ARHGAP26: variants seen among roughly 807,000 people sequenced by gnomAD.
ARHGAP26 encodes the protein rho GTPase-activating protein 26.
ARHGAP26 carries 38 observed loss-of-function variants against 104.8 expected under a neutral mutation model. That is an observed-to-expected ratio of 0.36 (90% CI 0.28 to 0.48). ARHGAP26 has a LOEUF of 0.48. ARHGAP26 is among the 20% of genes least tolerant of loss of function. The pLI, the probability that ARHGAP26 is intolerant of heterozygous loss-of-function variation, is 0.99. For synonymous variants in ARHGAP26, 341 were observed against 340.0 expected (o/e 1.00, Z -0.03); for missense variants, 704 against 947.9 (o/e 0.74, Z 3.38).
At chr5:142,814,164 G>C (rs1266447719) in intron 1 of ARHGAP26, among the ~76,000 whole-genome samples, 4 of 152,260 alleles carry the variant, frequency 2.6e-5, no homozygotes, top group Non-Finnish European at 5.9e-5. Context: ...AGTAGGAATA[G>C]TTTGGGGAAG....
At chr5:143,132,964 T>C (rs1384446590) in intron 18 of ARHGAP26, among the ~76,000 whole-genome samples, 1 of 152,160 alleles carries the variant, frequency 6.6e-6, no homozygotes, top group Non-Finnish European at 1.5e-5. Flanking sequence ...CTGAGGACAT[T>C]ACCTGTTGCT....
chr5:142,789,726 C>T (rs1291720033), intron 1 of ARHGAP26, among the ~76,000 whole-genome samples: 4 of 152,194 alleles, frequency 2.6e-5, no homozygotes, highest in Non-Finnish European at 5.9e-5. Flanking sequence ...CACCCATACA[C>T]ACTCCTGCCA....
intron 11 of ARHGAP26, among the ~76,000 whole-genome samples, chr5:142,981,918 A>G (rs1231783013): frequency 6.6e-6 from 1 of 152,166 alleles, no homozygotes; most frequent in Non-Finnish European, 1.5e-5. Context: ...CTCTGTCTGC[A>G]TTTTACTCTG....
intron 11 of ARHGAP26, among the ~76,000 whole-genome samples, chr5:142,945,152 C>T (rs769890306): frequency 6.6e-6 from 1 of 152,152 alleles, no homozygotes; most frequent in Non-Finnish European, 1.5e-5. Flanking sequence ...TAGAAAGTAC[C>T]CCATCCCATC....
chr5:143,171,887 G>A (rs1444307728), intron 20 of ARHGAP26, among the ~76,000 whole-genome samples: 1 of 152,144 alleles, frequency 6.6e-6, no homozygotes, highest in East Asian at 1.9e-4. Context: ...TTAGGTTTGC[G>A]ATTTGGGATT....
At chr5:143,213,148 A>G (rs1809778080) in intron 21 of ARHGAP26, among the ~76,000 whole-genome samples, 1 of 152,196 alleles carries the variant, frequency 6.6e-6, no homozygotes, top group African/African-American at 2.4e-5. Context: ...CCGTCTAAAC[A>G]AACAAACAAA....
Position 142,770,633 on chromosome 5 carries a change from C to A in ARHGAP26, c.-129C>A. 1 of 644,182 alleles carries A rather than the reference C, an allele frequency of 1.6e-6. No homozygotes were observed. Among genetic ancestry groups the A allele is most frequent in the Non-Finnish European group, 2.0e-6 (1 of 507,434 alleles). 39.9% of individuals were successfully genotyped at this position (644,182 alleles called of 1,614,324 possible). On this transcript the variant is annotated 5_prime_UTR_variant, in exon 1 of 23. Transcript: ENST00000645722. Reference sequence around the variant, plus strand: ...GGCGGACACCGCGCGCGGAGTGAGCCAGCGCCACACCTGTGGAGCCGGCGG... The same window carrying A: ...GGCGGACACCGCGCGCGGAGTGAGCAAGCGCCACACCTGTGGAGCCGGCGG...
chr5:143,083,125 G>A lies in ARHGAP26; in HGVS notation c.1538+25378G>A, dbSNP rs112339104. Reference sequence around the variant, plus strand: ...AGCTAGAGCTGGAGACTTTTTCTTCGTCTTCTTCCTTTTTCTTTTTCCCAT... The same window carrying A: ...AGCTAGAGCTGGAGACTTTTTCTTCATCTTCTTCCTTTTTCTTTTTCCCAT... On this transcript the variant is annotated intron_variant, in intron 17 of 22. Coordinates refer to ENST00000645722, the MANE Select transcript of ARHGAP26 (RefSeq NM_001135608.3). Among the ~76,000 whole-genome samples the A allele has an allele frequency of 2.3e-3, 348 of 152,214 alleles. 1 individual carries two copies. Among genetic ancestry groups the A allele is most frequent in the African/African-American group, 7.5e-3 (313 of 41,526 alleles).
chr5:142,990,186 C>T lies in ARHGAP26; in HGVS notation c.1108-23894C>T, dbSNP rs190115980. Among the ~76,000 whole-genome samples, 211 of 152,282 alleles carry T rather than the reference C, an allele frequency of 1.4e-3. 3 individuals are homozygous for T. Among genetic ancestry groups the T allele is most frequent in the Admixed American group, 0.013 (192 of 15,286 alleles). ...TCTTTTTTCTCTAAACTTCTCTTCT[C>T]GCTTCATTTCATTCATTTGATCTTC... is the stretch of plus-strand genomic sequence containing the variant. On this transcript the variant is annotated intron_variant, in intron 11 of 22. Transcript: ENST00000645722.
rs530189613 is a variant in ARHGAP26, at chr5:143,065,249, C to T, written c.1538+7502C>T. ...TTGGGAGCGTGTTCTTCATGAAATGCCTCTCTTTTTGGCTGAGTGGTGGTG... is the reference window on the plus strand; with the variant it reads ...TTGGGAGCGTGTTCTTCATGAAATGTCTCTCTTTTTGGCTGAGTGGTGGTG... On this transcript the variant is annotated intron_variant, in intron 17 of 22. Coordinates refer to ENST00000645722, the MANE Select transcript of ARHGAP26 (RefSeq NM_001135608.3). Among the ~76,000 whole-genome samples the T allele has an allele frequency of 1.2e-3, 184 of 152,096 alleles. 1 individual carries two copies. Among genetic ancestry groups the T allele is most frequent in the Non-Finnish European group, 2.1e-3 (141 of 68,018 alleles).
chr5:142,823,979 T>C (rs1317023125), intron 1 of ARHGAP26, among the ~76,000 whole-genome samples: 2 of 152,182 alleles, frequency 1.3e-5, no homozygotes, highest in African/African-American at 4.8e-5. Context: ...AACAAAGCAA[T>C]GGATGAGTAC....
At chr5:143,145,835 A>G (rs1472084765) in intron 19 of ARHGAP26, among the ~76,000 whole-genome samples, 1 of 152,198 alleles carries the variant, frequency 6.6e-6, no homozygotes, top group African/African-American at 2.4e-5. Flanking sequence ...CTAAGATATC[A>G]GGGGTATTGG....
intron 17 of ARHGAP26, among the ~76,000 whole-genome samples, chr5:143,091,201 G>A (rs145740105): frequency 3.0e-4 from 45 of 152,298 alleles, no homozygotes; most frequent in African/African-American, 9.6e-4. Context: ...GAGTCCATCC[G>A]CTTTCCGCTG....
At chr5:142,986,972 G>A (rs1398392217) in intron 11 of ARHGAP26, among the ~76,000 whole-genome samples, 1 of 152,184 alleles carries the variant, frequency 6.6e-6, no homozygotes, top group African/African-American at 2.4e-5. Context: ...GCTTAGGATT[G>A]TTTTGGCAAT....
At chr5:142,814,223 A>T (rs1403418476) in intron 1 of ARHGAP26, among the ~76,000 whole-genome samples, 1 of 152,260 alleles carries the variant, frequency 6.6e-6, no homozygotes, top group African/African-American at 2.4e-5. Flanking sequence ...CAAGACTCAG[A>T]ACTTTGTCAA....
At chr5:142,991,241 T>A (rs1450832067) in intron 11 of ARHGAP26, among the ~76,000 whole-genome samples, 1 of 152,222 alleles carries the variant, frequency 6.6e-6, no homozygotes, top group Non-Finnish European at 1.5e-5. Context: ...CAAGGCTCCG[T>A]GGGCGTGGGA....
At chr5:143,132,841 A>G (rs1424333783) in intron 18 of ARHGAP26, among the ~76,000 whole-genome samples, 3 of 147,624 alleles carry the variant, frequency 2.0e-5, no homozygotes, top group Non-Finnish European at 4.4e-5. Flanking sequence ...TATTGTATCC[A>G]TTTAAAAAGG....
intron 17 of ARHGAP26, among the ~76,000 whole-genome samples, chr5:143,077,113 G>A (rs974399102): frequency 2.6e-5 from 4 of 152,204 alleles, no homozygotes; most frequent in Non-Finnish European, 5.9e-5. Flanking sequence ...GGCTAGATAT[G>A]GATACAGAAT....
At chr5:143,209,131 C>T (rs973773228) in intron 21 of ARHGAP26, among the ~76,000 whole-genome samples, 2 of 152,130 alleles carry the variant, frequency 1.3e-5, no homozygotes, top group Non-Finnish European at 2.9e-5. Flanking sequence ...GCCCTTTGGA[C>T]AAAATGGGTT....
Sources: gnomAD v4.1 joint callset for allele counts (sites outside exome capture counted in the v4.1 genomes callset) on GRCh38, gnomAD v4.1.1 for gene constraint, MANE v1.5 for transcripts, NCBI Gene and HGNC (gene_info 2026-07-23, HGNC 2026-07-21) for gene names.